TAOK3: variants seen among roughly 807,000 people sequenced by gnomAD.
TAOK3 encodes serine/threonine-protein kinase TAO3.
A neutral mutation model predicts 120.4 loss-of-function variants in TAOK3; 40 were observed. The observed-to-expected ratio is 0.33, with a 90% confidence interval of 0.26 to 0.43. The LOEUF (loss-of-function observed/expected upper bound fraction) is 0.43, where lower values mean the gene tolerates loss of function less well. Ranked by LOEUF, TAOK3 falls within the 20% of genes least tolerant of loss-of-function variation. The pLI is 1.00. For missense variants in TAOK3, 821 were observed against 1,112.1 expected, an observed-to-expected ratio of 0.74 and a Z score of 3.72; for synonymous variants, 355 against 387.5, an observed-to-expected ratio of 0.92 and a Z score of 0.99.
chr12:118,197,682 C>CTTTTTTTT (rs67635506), intron 13 of TAOK3, among the ~76,000 whole-genome samples: 2 of 90,778 alleles, frequency 2.2e-5, no homozygotes, highest in Non-Finnish European at 2.0e-5. Context: ...GCAAAACCTT[C>CTTTTTTTT]TTTTTTTTTT....
intron 1 of TAOK3, among the ~76,000 whole-genome samples, chr12:118,315,187 A>C (rs2043410197): frequency 6.6e-6 from 1 of 152,202 alleles, no homozygotes; most frequent in Admixed American, 6.5e-5. Context: ...GGACTCCCAA[A>C]GTGCTGGGAT....
intron 13 of TAOK3, among the ~76,000 whole-genome samples, chr12:118,194,104 C>G (rs536139810): frequency 1.3e-5 from 2 of 152,200 alleles, no homozygotes; most frequent in African/African-American, 4.8e-5. Flanking sequence ...CTAAGGAAGT[C>G]GTAAAATAGT....
intron 9 of TAOK3, among the ~76,000 whole-genome samples, chr12:118,218,486 T>C (rs975631789): frequency 4.6e-5 from 7 of 152,312 alleles, no homozygotes; most frequent in Admixed American, 1.3e-4. Flanking sequence ...CTGTATACTT[T>C]AAATCATCTC....
At chr12:118,206,998 CT>C (rs1300319920) in intron 11 of TAOK3, among the ~76,000 whole-genome samples, 31 of 152,152 alleles carry the variant, frequency 2.0e-4, no homozygotes, top group African/African-American at 6.7e-4. Context: ...AATATGTTTA[CT>C]TTCAACACTC....
chr12:118,322,684 T>C (rs1468725146), intron 1 of TAOK3, among the ~76,000 whole-genome samples: 1 of 145,860 alleles, frequency 6.9e-6, no homozygotes, highest in African/African-American at 2.4e-5. Context: ...ATTCTTGTGA[T>C]TTTTTTCCCC....
intron 17 of TAOK3, among the ~76,000 whole-genome samples, chr12:118,166,243 G>T (rs954000758): frequency 6.6e-6 from 1 of 152,122 alleles, no homozygotes; most frequent in Non-Finnish European, 1.5e-5. Context: ...CATTAGAAAT[G>T]TTCCAATAAA....
At chr12:118,356,053 T>G (rs1434319603) in intron 1 of TAOK3, among the ~76,000 whole-genome samples, 1 of 152,090 alleles carries the variant, frequency 6.6e-6, no homozygotes, top group Non-Finnish European at 1.5e-5. Context: ...ATGCTGCTGA[T>G]CATGTAAAAG....
chr12:118,176,348 G>A (rs1282284678), intron 16 of TAOK3, among the ~76,000 whole-genome samples: 1 of 152,082 alleles, frequency 6.6e-6, no homozygotes, highest in Non-Finnish European at 1.5e-5. Context: ...TGAGGGTAGG[G>A]GCAGCATTAG....
chr12:118,207,564 G>A (rs961920502), intron 11 of TAOK3, among the ~76,000 whole-genome samples: 7 of 151,672 alleles, frequency 4.6e-5, no homozygotes, highest in African/African-American at 1.7e-4. Context: ...GAATTAAAAC[G>A]ATTGCATAGG....
chr12:118,250,930 C>T (rs555112032), intron 3 of TAOK3, among the ~76,000 whole-genome samples: 5 of 152,144 alleles, frequency 3.3e-5, no homozygotes, highest in South Asian at 2.1e-4. Context: ...GAACAGTTTA[C>T]GCAAGATTCC....
intron 1 of TAOK3, among the ~76,000 whole-genome samples, chr12:118,271,693 T>A (rs900087450): frequency 4.6e-5 from 7 of 152,250 alleles, no homozygotes; most frequent in Admixed American, 1.3e-4. Context: ...TGCCTATGAG[T>A]GGAAATGCTG....
intron 1 of TAOK3, among the ~76,000 whole-genome samples, chr12:118,282,892 ACAG>A (rs1473785383): frequency 1.3e-5 from 2 of 152,226 alleles, no homozygotes; most frequent in African/African-American, 4.8e-5. Flanking sequence ...CGCTGTATCC[ACAG>A]CAGAAGGAAG....
At chr12:118,281,754 GA>G (rs551634729) in intron 1 of TAOK3, among the ~76,000 whole-genome samples, 70 of 129,382 alleles carry the variant, frequency 5.4e-4, no homozygotes, top group Admixed American at 6.4e-4. Context: ...CTCTGCCTCA[GA>G]AAAAAAAAAA....
At chr12:118,213,986 T>A (rs779814005) in intron 10 of TAOK3, 31 bp downstream of exon 10, 55 of 1,558,780 alleles carry the variant, frequency 3.5e-5, no homozygotes. Context: ...GGTGATTTTC[T>A]TAGAGATTTA....
chr12:118,331,067 A>G (rs1409086067), intron 1 of TAOK3, among the ~76,000 whole-genome samples: 1 of 152,254 alleles, frequency 6.6e-6, no homozygotes, highest in Non-Finnish European at 1.5e-5. Context: ...CAGAAATTCT[A>G]GAACAACATA....
At chr12:118,254,041 C>A (rs975864066) in intron 3 of TAOK3, among the ~76,000 whole-genome samples, 6 of 152,160 alleles carry the variant, frequency 3.9e-5, no homozygotes, top group Non-Finnish European at 5.9e-5. Flanking sequence ...GGCTACAGAG[C>A]GAGGCTCTGT....
rs1367022030 is a variant in TAOK3 at position 118,214,114 on chromosome 12, G to C, written c.644-4C>G. On this transcript the variant is annotated splice_region_variant and splice_polypyrimidine_tract_variant and intron_variant, in intron 9 of 20. Transcript: ENST00000392533. ...AAAAGGGGCGGCTTCCGTTCCGCTG[G>C]AAGAGGAAAGAAACACAATAAAGTA... 4 of 1,605,052 alleles carry C rather than the reference G, an allele frequency of 2.5e-6. No individual in the cohort carries two copies. Among genetic ancestry groups the C allele is most frequent in the Non-Finnish European group, 3.4e-6 (4 of 1,177,104 alleles).
chr12:118,151,263 GGC>G lies in TAOK3; in HGVS notation c.2536-107_2536-106del, dbSNP rs941352714. 37 of 1,178,516 alleles carry G rather than the reference GGC, an allele frequency of 3.1e-5. 1 individual carries two copies. Among genetic ancestry groups the G allele is most frequent in the Non-Finnish European group, 3.9e-5 (33 of 838,856 alleles). 73.0% of individuals were successfully genotyped at this position (1,178,516 alleles called of 1,614,324 possible). A position where few individuals can be genotyped will look rare whatever the true frequency, so the allele number is the denominator to read the frequency against. On this transcript the variant is annotated intron_variant, in intron 20 of 20. Coordinates refer to ENST00000392533, the MANE Select transcript of TAOK3 (RefSeq NM_016281.4). The stretch of plus-strand genomic sequence containing the variant: ...CACATATGACATGCACACACACATA[GGC>G]ACACACATGAAGTGCGCGCGCGCGC...
At chr12:118,207,329 G>GAA (rs200606908) in intron 11 of TAOK3, among the ~76,000 whole-genome samples, 1,094 of 104,908 alleles carry the variant, frequency 0.01, 8 homozygotes, top group African/African-American at 0.036. Context: ...TCCGTCTCAG[G>GAA]AAAAAAAAAA....
Sources: allele counts gnomAD v4.1 joint callset (sites outside exome capture counted in the v4.1 genomes callset), GRCh38; gene constraint gnomAD v4.1.1; transcripts MANE v1.5; gene names NCBI Gene and HGNC (gene_info 2026-07-23, HGNC 2026-07-21).